MAP2K5: variants seen among roughly 807,000 people sequenced by gnomAD.
MAP2K5 encodes dual specificity mitogen-activated protein kinase kinase 5.
A neutral mutation model predicts 83.1 loss-of-function variants in MAP2K5; 49 were observed. The observed-to-expected ratio is 0.59, with a 90% confidence interval of 0.47 to 0.75. The LOEUF (loss-of-function observed/expected upper bound fraction) is 0.75. Among genes scored for constraint, MAP2K5 ranks in the 30% least tolerant of loss-of-function variants. MAP2K5 has a pLI of 0.00. For missense variants in MAP2K5, 457 were observed against 557.5 expected (o/e 0.82, Z 1.82); for synonymous variants, 202 against 191.8 (o/e 1.05, Z -0.44).
At chr15:67,725,374 A>G (rs966018146) in intron 16 of MAP2K5, among the ~76,000 whole-genome samples, 3 of 152,148 alleles carry the variant, frequency 2.0e-5, no homozygotes, top group African/African-American at 7.2e-5. Flanking sequence ...AAGAATTCAC[A>G]TTTTTTGCTG....
In MAP2K5 at chr15:67,774,132, A is replaced by G. The variant is rs2090193230; in HGVS notation, c.1242+1380A>G. On this transcript the variant is annotated intron_variant, in intron 21 of 21. Transcript: ENST00000178640. This position sits in a 1 kb window ranked among gnomAD's most constrained non-coding sequence, Gnocchi z 4.9. ...ATAAAGACAAGGCTAAAGGGTGAGT[A>G]CTTTCAGTGCCTTGAAAGCAAGTGA... Among the ~76,000 whole-genome samples the G allele has an allele frequency of 6.6e-6, 1 of 151,402 alleles. No individual in the cohort carries two copies. Among genetic ancestry groups the G allele is most frequent in the East Asian group, 1.9e-4 (1 of 5,154 alleles).
chr15:67,715,459 G>T (rs943620669), intron 16 of MAP2K5, among the ~76,000 whole-genome samples: 1 of 152,184 alleles, frequency 6.6e-6, no homozygotes, highest in African/African-American at 2.4e-5. Flanking sequence ...ATAAAGCATT[G>T]TTGAGTTTGC....
At chr15:67,592,452 A>G (rs551971620) in intron 6 of MAP2K5, among the ~76,000 whole-genome samples, 1 of 152,318 alleles carries the variant, frequency 6.6e-6, no homozygotes, top group South Asian at 2.1e-4. Context: ...ACCAGGATTT[A>G]TTTGTACTAC....
intron 19 of MAP2K5, among the ~76,000 whole-genome samples, chr15:67,766,408 G>C (rs1490852383): frequency 6.6e-6 from 1 of 152,234 alleles, no homozygotes; most frequent in Non-Finnish European, 1.5e-5. Context: ...GTGTCAGCCA[G>C]TACTGAGAAT....
Position 67,630,903 on chromosome 15 carries a change from G to A in MAP2K5, c.561G>A (p.Pro187=), listed in dbSNP as rs746892344. Reference sequence around the variant, plus strand: ...CTTCCCATAGAGCATATCATGTCCCGAGTGGGAAAATATTAGCTGTAAAGG... The same window carrying A: ...CTTCCCATAGAGCATATCATGTCCCAAGTGGGAAAATATTAGCTGTAAAGG... The part of the protein sequence containing the change: ...GGTVYKAYHV[P]SGKILAVKVI... Residue 187 remains proline (P), a synonymous_variant, in exon 9 of 22, where the codon CCG becomes CCA. Transcript: ENST00000178640. 12 of 1,609,308 alleles carry A rather than the reference G, an allele frequency of 7.5e-6. No individual in the cohort carries two copies. Among genetic ancestry groups the A allele is most frequent in the African/African-American group, 4.0e-5 (3 of 74,614 alleles).
chr15:67,638,400 T>G lies in MAP2K5; in HGVS notation c.585+7473T>G, dbSNP rs1282003166. On this transcript the variant is annotated intron_variant, in intron 9 of 21. Coordinates refer to ENST00000178640, the MANE Select transcript of MAP2K5 (RefSeq NM_145160.3). The surrounding 1 kb of genome is among the most constrained non-coding windows in gnomAD (Gnocchi z 4.5). ...ATCCATGTTCCTGCAGAGGACATGATCTCATTGTTTTTTATGACTGCATAG... is the reference window on the plus strand; with the variant it reads ...ATCCATGTTCCTGCAGAGGACATGAGCTCATTGTTTTTTATGACTGCATAG... Among the ~76,000 whole-genome samples, 4 of 152,204 alleles carry G rather than the reference T, an allele frequency of 2.6e-5. No homozygotes were observed. In the East Asian group the frequency reaches 5.8e-4, roughly 22 times the overall value.
chr15:67,642,315 G>C, intron 9 of MAP2K5: 1 of 749,976 alleles, frequency 1.3e-6, no homozygotes, highest in Non-Finnish European at 2.1e-6. Context: ...CTGTGAGTTA[G>C]ACCCTGTGTG....
rs112075849 is a variant in MAP2K5 at position 67,586,142 on chromosome 15, A to G, written c.363+212A>G. The stretch of plus-strand genomic sequence containing the variant: ...CTGGGGGTTTGGTACTGTATTTTCA[A>G]TTATTTGGAATTGTTTTGTTGGTCA... On this transcript the variant is annotated intron_variant, in intron 5 of 21. Coordinates refer to ENST00000178640, the MANE Select transcript of MAP2K5 (RefSeq NM_145160.3). Among the ~76,000 whole-genome samples, 37 of 152,224 alleles carry G rather than the reference A, an allele frequency of 2.4e-4. 2 individuals carry two copies. The highest frequency in any genetic ancestry group is 8.9e-4 in the African/African-American group (37 of 41,536).
intron 21 of MAP2K5, among the ~76,000 whole-genome samples, chr15:67,792,280 A>C (rs2090531151): frequency 1.3e-5 from 2 of 152,158 alleles, no homozygotes; most frequent in African/African-American, 4.8e-5. Flanking sequence ...AGAGTATTTA[A>C]ATTTCAAGGA....
chr15:67,662,670 T>G (rs1488776634), intron 12 of MAP2K5, among the ~76,000 whole-genome samples: 1 of 152,158 alleles, frequency 6.6e-6, no homozygotes, highest in Admixed American at 6.5e-5. Flanking sequence ...ATTTTCCACA[T>G]AGAAGGTAGT....
chr15:67,798,952 C>T (rs753666984), intron 21 of MAP2K5, among the ~76,000 whole-genome samples: 2 of 152,128 alleles, frequency 1.3e-5, no homozygotes, highest in Admixed American at 6.5e-5. Context: ...AGGTGCATCA[C>T]GAGGTCAGGG....
At position 67,793,194 on chromosome 15, in the gene MAP2K5, C is replaced by T. The variant is rs1178472338; in HGVS notation, c.1243-13452C>T. On this transcript the variant is annotated intron_variant, in intron 21 of 21. Transcript: ENST00000178640. The surrounding 1 kb of genome is among the most constrained non-coding windows in gnomAD (Gnocchi z 4.6). Reference sequence around the variant, plus strand: ...GAAACTGAAACAGGATCATCTGAGCCCAGGAGTTCAAAGGTGTAGTGCGGA... The same window carrying T: ...GAAACTGAAACAGGATCATCTGAGCTCAGGAGTTCAAAGGTGTAGTGCGGA... Among the ~76,000 whole-genome samples the T allele has an allele frequency of 6.6e-6, 1 of 152,066 alleles. No individual in the cohort carries two copies. Among genetic ancestry groups the T allele is most frequent in the Non-Finnish European group, 1.5e-5 (1 of 68,012 alleles).
intron 19 of MAP2K5, among the ~76,000 whole-genome samples, chr15:67,751,032 T>C (rs1167472017): frequency 1.3e-5 from 2 of 152,110 alleles, no homozygotes; most frequent in African/African-American, 4.8e-5. Flanking sequence ...TAACCTGTTA[T>C]GGCCTGGCAA....
At chr15:67,681,523 C>A (rs1430472886) in intron 13 of MAP2K5, among the ~76,000 whole-genome samples, 2 of 152,136 alleles carry the variant, frequency 1.3e-5, no homozygotes, top group Non-Finnish European at 2.9e-5. Flanking sequence ...ATGACTAAAT[C>A]TTTTAAAATG....
At chr15:67,578,029 C>T (rs1040334869) in intron 3 of MAP2K5, among the ~76,000 whole-genome samples, 2 of 152,030 alleles carry the variant, frequency 1.3e-5, no homozygotes, top group African/African-American at 2.4e-5. Flanking sequence ...ATTTGTTTTG[C>T]AGTTTATTAC....
intron 4 of MAP2K5, among the ~76,000 whole-genome samples, chr15:67,583,211 A>G (rs2085218986): frequency 6.6e-6 from 1 of 152,218 alleles, no homozygotes; most frequent in Admixed American, 6.5e-5. Context: ...AATTTCATTT[A>G]AATTATAATA....
chr15:67,600,262 T>G (rs1370355435), intron 7 of MAP2K5, among the ~76,000 whole-genome samples: 1 of 152,214 alleles, frequency 6.6e-6, no homozygotes, highest in Non-Finnish European at 1.5e-5. Flanking sequence ...TTTCTAGGGC[T>G]GATTTATTTA....
intron 21 of MAP2K5, among the ~76,000 whole-genome samples, chr15:67,789,443 C>T (rs2090475968): frequency 6.6e-6 from 1 of 152,048 alleles, no homozygotes. Flanking sequence ...GTTGGCCAGG[C>T]GTGGCGGCTT....
At chr15:67,549,344 T>G in intron 1 of MAP2K5, 1 of 732,098 alleles carries the variant, frequency 1.4e-6, no homozygotes, top group Non-Finnish European at 2.3e-6. Flanking sequence ...TAGATTAACT[T>G]TATTTCGGTG....
Sources: allele counts gnomAD v4.1 joint callset (sites outside exome capture counted in the v4.1 genomes callset), GRCh38; gene constraint gnomAD v4.1.1; non-coding constraint Gnocchi (gnomAD v3.1); transcripts MANE v1.5; gene names NCBI Gene and HGNC (gene_info 2026-07-23, HGNC 2026-07-21).